The following MCC variants were observed in gnomAD, a reference collection of about 807,000 sequenced individuals.
The protein encoded by MCC is colorectal mutant cancer protein.
MCC carries 90 observed loss-of-function variants against 116.2 expected under a neutral mutation model. That is an observed-to-expected ratio of 0.77 (90% CI 0.65 to 0.92). MCC has a LOEUF of 0.92. Among genes scored for constraint, MCC ranks in the 40% least tolerant of loss-of-function variants. The pLI is 0.00. For missense variants in MCC, 1,516 were observed against 1,312.2 expected (o/e 1.16, Z -2.40); for synonymous variants, 578 against 510.5 (o/e 1.13, Z -1.78).
At chr5:113,312,253 G>A (rs1767152997) in intron 3 of MCC, among the ~76,000 whole-genome samples, 1 of 151,986 alleles carries the variant, frequency 6.6e-6, no homozygotes, top group South Asian at 2.1e-4. Flanking sequence ...CTCTAGTCTG[G>A]GCAACAAAGC....
intron 5 of MCC, among the ~76,000 whole-genome samples, chr5:113,132,673 C>T (rs1758534186): frequency 6.6e-6 from 1 of 152,132 alleles, no homozygotes; most frequent in Non-Finnish European, 1.5e-5. Flanking sequence ...TCCTCAAGGG[C>T]CTAGCCCTTA....
chr5:113,077,847 A>C (rs1454170679), intron 11 of MCC, among the ~76,000 whole-genome samples: 1 of 152,132 alleles, frequency 6.6e-6, no homozygotes, highest in Non-Finnish European at 1.5e-5. Flanking sequence ...AAAACCCTTC[A>C]AAAAATCAAT....
intron 3 of MCC, among the ~76,000 whole-genome samples, chr5:113,166,430 G>C (rs1402775408): frequency 6.6e-6 from 1 of 152,146 alleles, no homozygotes; most frequent in Non-Finnish European, 1.5e-5. Flanking sequence ...GTAAGCTTTT[G>C]CCTGATATCC....
intron 3 of MCC, among the ~76,000 whole-genome samples, chr5:113,164,320 C>T (rs1220991518): frequency 1.3e-5 from 2 of 152,226 alleles, no homozygotes; most frequent in East Asian, 1.9e-4. Context: ...CATAGCAACT[C>T]TGAAATTGCC....
intron 3 of MCC, among the ~76,000 whole-genome samples, chr5:113,337,845 A>G (rs1419227795): frequency 6.6e-6 from 1 of 152,184 alleles, no homozygotes; most frequent in Non-Finnish European, 1.5e-5. Flanking sequence ...TCAAGAGACT[A>G]TTTGCTTTCT....
rs1751865558 is a variant in MCC, at chr5:113,043,516, G to A, written c.2756+14C>T. On this transcript the variant is annotated intron_variant, in intron 17 of 18. Transcript: ENST00000408903. ...CAGGATAAACACCAGCTGGGGTGGG[G>A]AAAGGGTGCTTACCGACGAATGGCG... 1 of 1,610,760 alleles carries A rather than the reference G, an allele frequency of 6.2e-7. No homozygotes were observed. The highest frequency in any genetic ancestry group is 1.3e-5 in the African/African-American group (1 of 74,906).
At chr5:113,087,608 G>A (rs917440117) in intron 8 of MCC, among the ~76,000 whole-genome samples, 5 of 151,916 alleles carry the variant, frequency 3.3e-5, no homozygotes, top group Non-Finnish European at 7.4e-5. Flanking sequence ...GCAACCTCCG[G>A]TGAATTCAAC....
chr5:113,463,254 A>T (rs978437842), intron 1 of MCC, among the ~76,000 whole-genome samples: 2 of 152,172 alleles, frequency 1.3e-5, no homozygotes, highest in Non-Finnish European at 2.9e-5. Flanking sequence ...ATTATGACTC[A>T]CTTGAAGGGT....
rs189816308 is a variant in MCC at position 113,186,308 on chromosome 5, T to C, written c.628-34886A>G. Among the ~76,000 whole-genome samples, 75 of 152,308 alleles carry C rather than the reference T, an allele frequency of 4.9e-4. 2 individuals are homozygous for C. Among genetic ancestry groups the C allele is most frequent in the African/African-American group, 1.5e-3 (61 of 41,556 alleles). Reference sequence around the variant, plus strand: ...ACAGTAAGTGCAGCTCCAGGGGCTATAGACACATTTTGTTTGATTTGCAGT... The same window carrying C: ...ACAGTAAGTGCAGCTCCAGGGGCTACAGACACATTTTGTTTGATTTGCAGT... On this transcript the variant is annotated intron_variant, in intron 3 of 18. Coordinates refer to ENST00000408903, the MANE Select transcript of MCC (RefSeq NM_001085377.2).
chr5:113,455,445 G>A (rs1444873740), intron 1 of MCC, among the ~76,000 whole-genome samples: 2 of 152,056 alleles, frequency 1.3e-5, no homozygotes, highest in Non-Finnish European at 1.5e-5. Context: ...TATTTATTCA[G>A]TGAATAAGGT....
intron 3 of MCC, among the ~76,000 whole-genome samples, chr5:113,197,877 C>G (rs1762489447): frequency 6.6e-6 from 1 of 152,226 alleles, no homozygotes; most frequent in Non-Finnish European, 1.5e-5. Context: ...ATGCTGCGTT[C>G]CGTAAACCCA....
intron 3 of MCC, among the ~76,000 whole-genome samples, chr5:113,177,053 C>T (rs1347397766): frequency 2.6e-5 from 4 of 152,180 alleles, no homozygotes; most frequent in Non-Finnish European, 4.4e-5. Context: ...CTGCCCTTCG[C>T]CCTCAGGTAG....
At chr5:113,031,593 T>A (rs1490386833) in intron 17 of MCC, among the ~76,000 whole-genome samples, 1 of 152,002 alleles carries the variant, frequency 6.6e-6, no homozygotes, top group Non-Finnish European at 1.5e-5. Flanking sequence ...GGAAAAAAAA[T>A]ACTGAAGAGT....
intron 2 of MCC, among the ~76,000 whole-genome samples, chr5:113,373,072 G>A (rs111960691): frequency 0.037 from 5,633 of 152,044 alleles, 148 homozygotes; most frequent in Middle Eastern, 0.079. Flanking sequence ...TCAGCTACTC[G>A]GGAGGCTGAG....
At chr5:113,163,050 T>C (rs1444660724) in intron 3 of MCC, among the ~76,000 whole-genome samples, 4 of 152,108 alleles carry the variant, frequency 2.6e-5, no homozygotes, top group Non-Finnish European at 5.9e-5. Context: ...GGCCAGCAGG[T>C]AAGCAGGCAA....
At chr5:113,405,808 A>T (rs920488553) in intron 1 of MCC, among the ~76,000 whole-genome samples, 7 of 152,076 alleles carry the variant, frequency 4.6e-5, no homozygotes, top group Non-Finnish European at 1.0e-4. Context: ...CCTATCTCAA[A>T]AAAAAAAGAA....
intron 1 of MCC, among the ~76,000 whole-genome samples, chr5:113,401,680 C>T (rs940025226): frequency 1.3e-5 from 2 of 152,018 alleles, no homozygotes; most frequent in African/African-American, 4.8e-5. Context: ...ATTTTGGCTC[C>T]TTGGGTCTTA....
At chr5:113,431,763 A>AGGGGGGGGG (rs34082350) in intron 1 of MCC, among the ~76,000 whole-genome samples, 1 of 40,734 alleles carries the variant, frequency 2.5e-5, no homozygotes, top group African/African-American at 5.1e-5. Context: ...TGGGAGGCCA[A>AGGGGGGGGG]GGGGGGGGGG....
At chr5:113,412,963 G>C (rs1463592786) in intron 1 of MCC, among the ~76,000 whole-genome samples, 2 of 152,148 alleles carry the variant, frequency 1.3e-5, no homozygotes, top group Non-Finnish European at 2.9e-5. Context: ...CTAGCTTATT[G>C]AGAGTTTTTA....
Sources: allele counts gnomAD v4.1 joint callset (sites outside exome capture counted in the v4.1 genomes callset), GRCh38; gene constraint gnomAD v4.1.1; transcripts MANE v1.5; gene names NCBI Gene and HGNC (gene_info 2026-07-23, HGNC 2026-07-21).